The following TCOF1 variants were observed in gnomAD, a reference collection of about 807,000 sequenced individuals.
The protein encoded by TCOF1 is treacle protein.
A neutral mutation model predicts 149.0 loss-of-function variants in TCOF1; 33 were observed. That is an observed-to-expected ratio of 0.22 (90% CI 0.17 to 0.30). TCOF1 has a LOEUF of 0.30. Ranked by LOEUF, TCOF1 falls within the 10% of genes least tolerant of loss-of-function variation. The pLI is 1.00. For missense variants in TCOF1, 1,728 were observed against 1,840.7 expected, an observed-to-expected ratio of 0.94 and a Z score of 1.12; for synonymous variants, 789 against 738.8, an observed-to-expected ratio of 1.07 and a Z score of -1.10.
In TCOF1 at chr5:150,399,023, A is replaced by G; in HGVS notation, c.4445A>G (p.Lys1482Arg). Residue 1482 changes from lysine to arginine, a missense_variant and splice_region_variant, in exon 26 of 27, where the codon AAG becomes AGG. By Grantham distance (26) the Lys-to-Arg change is conservative. Transcript: ENST00000643257. ...SPSQKKKKKKKKTAEQTV is the reference protein window; with the variant it reads ...SPSQKKKKKKRKTAEQTV ...CCTCTCGTACTTCCCTCCTCACAGA[A>G]GAAGACAGCAGAGCAGACTGTATGA... The G allele has an allele frequency of 1.2e-6, 2 of 1,614,228 alleles. No individual in the cohort carries two copies.
intron 17 of TCOF1, chr5:150,380,088 A>AG: frequency 3.7e-6 from 1 of 266,968 alleles, no homozygotes; most frequent in Non-Finnish European, 7.4e-6. Context: ...AAAAAAAAGA[A>AG]AAAAAAGAAA....
Position 150,374,251 on chromosome 5 carries a change from C to T in TCOF1, c.948C>T (p.Thr316=), listed in dbSNP as rs1763188157. The T allele has an allele frequency of 1.2e-6, 2 of 1,609,132 alleles. No homozygotes were observed. The highest frequency in any genetic ancestry group is 1.3e-5 in the African/African-American group (1 of 74,700). ...PAKGTPGKGA[T]PAPPGKAGAV... ...AGGGGACCCCTGGGAAAGGGGCTAC[C>T]CCAGCACCCCCTGGGAAGGCAGGGG... The change falls in exon 8 of 27, where the codon ACC becomes ACT. Residue 316 remains threonine, a synonymous_variant. Transcript: ENST00000643257.
chr5:150,398,168 C>T (rs563748063), intron 24 of TCOF1, among the ~76,000 whole-genome samples, 186 bp from the exon 25 acceptor site: 78 of 152,266 alleles, frequency 5.1e-4, no homozygotes, highest in African/African-American at 1.8e-3. Context: ...GCAATCCACC[C>T]GCCTCAGCCT....
Position 150,392,729 on chromosome 5 carries a change from A to G in TCOF1, c.3542A>G (p.Glu1181Gly). Residue 1181 changes from glutamate (E) to glycine (G), a missense_variant, in exon 22 of 27, where the codon GAG becomes GGG. Around this residue, in one of 2 missense-constraint regions of TCOF1, gnomAD observed 1,696 missense variants for 1,765.4 expected, o/e 0.96. Transcript: ENST00000643257. ...TLVGPTPSRT[E>G]TLVEETAAES... is the part of the protein sequence containing the mutation. ...GTAGGTCCCACCCCCTCCAGGACAG[A>G]GACCCTGGTGGAGGAGACCGCAGCA... is the stretch of plus-strand genomic sequence containing the variant. 6.2e-7 allele frequency: 1 copy of G among 1,614,096 alleles called. No individual in the cohort carries two copies. The highest frequency in any genetic ancestry group is 2.2e-5 in the East Asian group (1 of 44,872).
At chr5:150,363,128 G>A (rs1760552483) in intron 2 of TCOF1, among the ~76,000 whole-genome samples, 1 of 152,144 alleles carries the variant, frequency 6.6e-6, no homozygotes. Context: ...ACCCGCCTCA[G>A]TATTTATTAA....
chr5:150,358,120 T>A (rs1243162242), intron 1 of TCOF1, among the ~76,000 whole-genome samples: 1 of 152,162 alleles, frequency 6.6e-6, no homozygotes, highest in Non-Finnish European at 1.5e-5. Context: ...AATTCCCGCT[T>A]CCCTTACCTC....
Position 150,376,362 on chromosome 5 carries a change from G to A in TCOF1, c.2142+32G>A, listed in dbSNP as rs1166941377. Reference sequence around the variant, plus strand: ...CCTGTGTTTTCTGGGCGGGCCTCAGGGCCGCCCCTACGTGGTCCTTTGGAC... The same window carrying A: ...CCTGTGTTTTCTGGGCGGGCCTCAGAGCCGCCCCTACGTGGTCCTTTGGAC... On this transcript the variant is annotated intron_variant, in intron 13 of 26. Transcript: ENST00000643257. 1.9e-6 allele frequency: 3 copies of A among 1,613,968 alleles called. No individual in the cohort carries two copies. In the African/African-American group the frequency reaches 4.0e-5, roughly 22 times the overall value.
intron 17 of TCOF1, chr5:150,380,280 C>A: frequency 5.8e-6 from 1 of 173,876 alleles, no homozygotes; most frequent in Admixed American, 5.4e-5. Context: ...GGGTCTATAT[C>A]TAGGTCGAGG....
In TCOF1 at chr5:150,399,073, A is replaced by G. The variant is rs1303744529; in HGVS notation, c.*22+3A>G. The G allele has an allele frequency of 1.9e-6, 3 of 1,614,252 alleles. No homozygotes were observed. The highest frequency in any genetic ancestry group is 2.5e-6 in the Non-Finnish European group (3 of 1,180,038). On this transcript the variant is annotated splice_donor_region_variant and intron_variant, in intron 26 of 26. Coordinates refer to ENST00000643257, the MANE Select transcript of TCOF1 (RefSeq NM_001371623.1). ...ACGAGCACCAGCACCAGGCACAGGT[A>G]CGCTTCCCAATCATTCCTGAGCATT...
At chr5:150,359,074 C>T (rs1041355070) in intron 1 of TCOF1, among the ~76,000 whole-genome samples, 1 of 151,898 alleles carries the variant, frequency 6.6e-6, no homozygotes. Flanking sequence ...AGGCCAGGTA[C>T]GGTAGCTCAC....
At chr5:150,385,573 T>A (rs1766110794) in intron 17 of TCOF1, among the ~76,000 whole-genome samples, 1 of 152,192 alleles carries the variant, frequency 6.6e-6, no homozygotes, top group South Asian at 2.1e-4. Flanking sequence ...GAGAGGTTCT[T>A]GGAGTGTTTG....
chr5:150,357,758 C>T lies in TCOF1; in HGVS notation c.12C>T (p.Ala4=). MAE[A]RKRRELLPLI... is the part of the protein sequence containing the mutation. The stretch of plus-strand genomic sequence containing the variant: ...CGGGGGTCGCGGGTATGGCCGAGGC[C>T]AGGAAGCGGCGGGAGCTACTTCCCC... Residue 4 remains alanine (A), a synonymous_variant, in exon 1 of 27, where the codon GCC becomes GCT. Transcript: ENST00000643257. The T allele has an allele frequency of 1.3e-6, 2 of 1,549,366 alleles. No homozygotes were observed. Among genetic ancestry groups the T allele is most frequent in the Non-Finnish European group, 1.7e-6 (2 of 1,146,502 alleles).
At position 150,389,301 on chromosome 5, in the gene TCOF1, G is replaced by A. The variant is rs144462549; in HGVS notation, c.3047-586G>A. On this transcript the variant is annotated intron_variant, in intron 18 of 26. Transcript: ENST00000643257. ...AAAGCAAGACCATACTGTATCTAAT[G>A]TTCAGTAACCTTCACTGGATATTTT... is the stretch of plus-strand genomic sequence containing the variant. Among the ~76,000 whole-genome samples the A allele has an allele frequency of 2.4e-3, 366 of 152,236 alleles. 4 individuals are homozygous for A. The highest frequency in any genetic ancestry group is 8.6e-3 in the African/African-American group (357 of 41,514).
chr5:150,384,698 A>G, intron 17 of TCOF1: 1 of 985,482 alleles, frequency 1.0e-6, no homozygotes, highest in Non-Finnish European at 1.2e-6. Flanking sequence ...GCAGAAAAGA[A>G]GTCAGCGGTT....
chr5:150,392,195 A>G lies in TCOF1; in HGVS notation c.3517+19A>G. ...ACGCTGGGTGAGGGTGCCAGGGGAA[A>G]GGCAAGGGTGGGCCAGGAAGAGGGT... On this transcript the variant is annotated intron_variant, in intron 21 of 26. Transcript: ENST00000643257. The G allele has an allele frequency of 1.2e-6, 2 of 1,611,744 alleles. No homozygotes were observed. Among genetic ancestry groups the G allele is most frequent in the African/African-American group, 1.3e-5 (1 of 74,968 alleles).
chr5:150,377,127 A>G (rs949228980), intron 14 of TCOF1, among the ~76,000 whole-genome samples: 5 of 152,214 alleles, frequency 3.3e-5, no homozygotes, highest in African/African-American at 1.2e-4. Context: ...CAGAGGAAGC[A>G]GTCTGTGCGA....
At chr5:150,396,255 C>T (rs199938785) in intron 23 of TCOF1, 27 bp from the exon 24 acceptor site, 23 of 1,613,526 alleles carry the variant, frequency 1.4e-5, no homozygotes, top group Middle Eastern at 1.7e-4. Context: ...TCTCCCAGAT[C>T]TGTGACCCCA....
chr5:150,375,576 CTCTT>C (rs986006942), intron 11 of TCOF1, 22 bp downstream of exon 11: 81 of 1,613,586 alleles, frequency 5.0e-5, no homozygotes, highest in Non-Finnish European at 6.2e-5. Flanking sequence ...TCCTGTAAGG[CTCTT>C]TCTTTTTCCC....
chr5:150,391,877 C>T, intron 20 of TCOF1, 80 bp from the exon 21 acceptor site: 2 of 1,395,480 alleles, frequency 1.4e-6, no homozygotes, highest in Non-Finnish European at 2.0e-6. Context: ...CAGTTCCTGG[C>T]CCTACTGAAG....
Sources: allele counts gnomAD v4.1 joint callset (sites outside exome capture counted in the v4.1 genomes callset), GRCh38; gene constraint gnomAD v4.1.1; regional missense constraint gnomAD v4.1.1; transcripts MANE v1.5; gene names NCBI Gene and HGNC (gene_info 2026-07-23, HGNC 2026-07-21).